The following ANKIB1 variants were observed in gnomAD, a reference collection of about 807,000 sequenced individuals.
The protein encoded by ANKIB1 is ankyrin repeat and IBR domain-containing protein 1.
ANKIB1 carries 43 observed loss-of-function variants against 122.1 expected under a neutral mutation model. The ratio of observed to expected loss-of-function variants is 0.35; its 90% CI spans 0.28 to 0.45. The LOEUF is 0.45. Among genes scored for constraint, ANKIB1 ranks in the 20% least tolerant of loss-of-function variants. ANKIB1 has a pLI of 1.00. For missense variants in ANKIB1, 992 were observed against 1,329.5 expected, an observed-to-expected ratio of 0.75 and a Z score of 3.95; for synonymous variants, 390 against 442.0, an observed-to-expected ratio of 0.88 and a Z score of 1.48.
At chr7:92,381,544 T>TG (rs1198644798) in intron 11 of ANKIB1, among the ~76,000 whole-genome samples, 1 of 152,192 alleles carries the variant, frequency 6.6e-6, no homozygotes. Context: ...GCGGATCTCT[T>TG]GGCAGAAACC....
In ANKIB1 at chr7:92,391,196, G is replaced by C; in HGVS notation, c.2083G>C (p.Ala695Pro). The C allele has an allele frequency of 6.2e-7, 1 of 1,611,378 alleles. No homozygotes were observed. The highest frequency in any genetic ancestry group is 1.1e-5 in the South Asian group (1 of 90,864). ...TDLEMVTEDLAQKVNRPYLRT... is the reference protein window; with the variant it reads ...TDLEMVTEDLPQKVNRPYLRT... The stretch of plus-strand genomic sequence containing the variant: ...CCTAGAAATGGTCACTGAAGACCTT[G>C]CCCAGAAAGTCAATAGGCCTTACCT... Residue 695 changes from alanine (A) to proline (P), a missense_variant, in exon 16 of 20, where the codon GCC becomes CCC. By Grantham distance (27) the Ala-to-Pro change is conservative (BLOSUM62 -1). Coordinates refer to ENST00000265742, the MANE Select transcript of ANKIB1 (RefSeq NM_019004.2).
At chr7:92,290,423 A>C (rs77101858) in intron 1 of ANKIB1, among the ~76,000 whole-genome samples, 101 of 150,134 alleles carry the variant, frequency 6.7e-4, no homozygotes, top group African/African-American at 2.4e-3. Context: ...CTGCTGCCTG[A>C]ATGAACTTTC....
At chr7:92,312,281 TAAA>T (rs918608789) in intron 3 of ANKIB1, among the ~76,000 whole-genome samples, 1 of 152,202 alleles carries the variant, frequency 6.6e-6, no homozygotes, top group African/African-American at 2.4e-5. Flanking sequence ...ATTTGTGAGA[TAAA>T]AATAATGCAA....
chr7:92,350,656 G>A (rs944158429), intron 7 of ANKIB1, among the ~76,000 whole-genome samples: 5 of 152,068 alleles, frequency 3.3e-5, no homozygotes, highest in African/African-American at 1.2e-4. Flanking sequence ...CCAGGGGTTC[G>A]AGATCAGTCT....
intron 11 of ANKIB1, among the ~76,000 whole-genome samples, chr7:92,376,534 C>A (rs535071095): frequency 2.4e-4 from 37 of 151,516 alleles, no homozygotes; most frequent in Non-Finnish European, 4.4e-4. Context: ...CTGCAACCTC[C>A]GCCTCCCAGG....
chr7:92,339,332 G>A (rs762052113), intron 5 of ANKIB1, among the ~76,000 whole-genome samples: 67 of 151,850 alleles, frequency 4.4e-4, no homozygotes, highest in Non-Finnish European at 8.4e-4. Context: ...GTGAGCCACC[G>A]CACCTGGCCA....
chr7:92,282,020 A>G (rs1802020260), intron 1 of ANKIB1, among the ~76,000 whole-genome samples: 1 of 152,214 alleles, frequency 6.6e-6, no homozygotes, highest in Admixed American at 6.5e-5. Context: ...TTCAAAAGAT[A>G]TTTGACTATA....
chr7:92,348,208 T>A (rs1326958176), intron 7 of ANKIB1, among the ~76,000 whole-genome samples: 1 of 152,118 alleles, frequency 6.6e-6, no homozygotes, highest in African/African-American at 2.4e-5. Flanking sequence ...CTGATATATT[T>A]AAAATATGTA....
intron 2 of ANKIB1, among the ~76,000 whole-genome samples, chr7:92,305,176 G>A (rs1487914061): frequency 1.3e-5 from 2 of 152,080 alleles, no homozygotes; most frequent in Non-Finnish European, 2.9e-5. Flanking sequence ...AAACTCTCAG[G>A]AGTAGTTTTA....
intron 3 of ANKIB1, among the ~76,000 whole-genome samples, chr7:92,308,278 G>A (rs917105819): frequency 6.6e-6 from 1 of 152,132 alleles, no homozygotes; most frequent in African/African-American, 2.4e-5. Flanking sequence ...TTAAAAATTT[G>A]TTGATATCTC....
intron 9 of ANKIB1, among the ~76,000 whole-genome samples, chr7:92,355,552 C>G (rs767921720): frequency 2.0e-4 from 31 of 152,170 alleles, no homozygotes; most frequent in Non-Finnish European, 3.7e-4. Flanking sequence ...AGGAAATATT[C>G]TAAATAATAA....
chr7:92,257,061 G>A (rs1480726053), intron 1 of ANKIB1, among the ~76,000 whole-genome samples: 1 of 151,904 alleles, frequency 6.6e-6, no homozygotes, highest in Non-Finnish European at 1.5e-5. Flanking sequence ...ATGGTGGTGC[G>A]TGCCTGTAAT....
Position 92,246,367 on chromosome 7 carries a change from A to G in ANKIB1, c.-243A>G, listed in dbSNP as rs530848975. 2.2e-6 allele frequency: 1 copy of G among 445,796 alleles called. No homozygotes were observed. The highest frequency in any genetic ancestry group is 1.6e-5 in the South Asian group (1 of 64,248). 27.6% of individuals were successfully genotyped at this position (445,796 alleles called of 1,614,324 possible). A position where few individuals can be genotyped will look rare whatever the true frequency, so the allele number is the denominator to read the frequency against. The stretch of plus-strand genomic sequence containing the variant: ...ACATCAGCCTCCGCCTGGCGGGTGC[A>G]CCCGGGCCGGCGAGGAAGGGGCAAC... On this transcript the variant is annotated 5_prime_UTR_variant, in exon 1 of 20. Coordinates refer to ENST00000265742, the MANE Select transcript of ANKIB1 (RefSeq NM_019004.2).
intron 4 of ANKIB1, among the ~76,000 whole-genome samples, chr7:92,320,646 C>T (rs1802887954): frequency 6.6e-6 from 1 of 152,154 alleles, no homozygotes; most frequent in Admixed American, 6.6e-5. Flanking sequence ...AAAATACAAC[C>T]TAAATTCATT....
chr7:92,331,148 C>CA (rs1457748761), intron 5 of ANKIB1, among the ~76,000 whole-genome samples: 1 of 152,070 alleles, frequency 6.6e-6, no homozygotes, highest in African/African-American at 2.4e-5. Context: ...GGATTAAATA[C>CA]AGTAAACGTT....
chr7:92,306,232 G>T (rs1472031760), intron 2 of ANKIB1, among the ~76,000 whole-genome samples: 1 of 152,008 alleles, frequency 6.6e-6, no homozygotes, highest in Admixed American at 6.6e-5. Flanking sequence ...GACTATAATG[G>T]CTCCACTGAA....
intron 1 of ANKIB1, 52 bp from the exon 2 acceptor site, chr7:92,294,837 C>G (rs1343860689): frequency 4.9e-6 from 3 of 614,516 alleles, no homozygotes; most frequent in Non-Finnish European, 5.2e-6. Flanking sequence ...GTTATTGTTT[C>G]TTTTGTGATT....
intron 11 of ANKIB1, among the ~76,000 whole-genome samples, chr7:92,379,112 T>C (rs1175148648): frequency 6.6e-6 from 1 of 152,198 alleles, no homozygotes; most frequent in Non-Finnish European, 1.5e-5. Context: ...TAATTTAGGC[T>C]GGGCGCGGTG....
intron 5 of ANKIB1, among the ~76,000 whole-genome samples, chr7:92,338,638 G>A (rs1803345942): frequency 1.3e-5 from 2 of 151,650 alleles, no homozygotes; most frequent in South Asian, 4.2e-4. Context: ...TTGGCCGGGT[G>A]TGGTGGCTCA....
Sources: gnomAD v4.1 joint callset for allele counts (sites outside exome capture counted in the v4.1 genomes callset) on GRCh38, gnomAD v4.1.1 for gene constraint, MANE v1.5 for transcripts, NCBI Gene and HGNC (gene_info 2026-07-23, HGNC 2026-07-21) for gene names.